DNAH7: variants seen among roughly 807,000 people sequenced by gnomAD.
DNAH7 encodes dynein axonemal heavy chain 7, also known as axonemal beta dynein heavy chain 7.
DNAH7 carries 397 observed loss-of-function variants against 444.6 expected under a neutral mutation model. The observed-to-expected ratio is 0.89, with a 90% confidence interval of 0.82 to 0.97. DNAH7 has a LOEUF of 0.97. Ranked by LOEUF, DNAH7 falls within the 50% of genes least tolerant of loss-of-function variation. The probability of loss-of-function intolerance (pLI) is 0.00; values close to 1 mark genes in which losing one functional copy is unlikely to be tolerated. For synonymous variants in DNAH7, 1,636 were observed against 1,624.4 expected (o/e 1.01, Z -0.17); for missense variants, 4,902 against 4,800.8 (o/e 1.02, Z -0.62).
intron 3 of DNAH7, 52 bp downstream of exon 3, chr2:196,051,135 A>C: frequency 1.3e-6 from 2 of 1,518,724 alleles, no homozygotes; most frequent in African/African-American, 2.7e-5. Context: ...GAAAACTAAT[A>C]AACATTTTTT....
At chr2:195,841,380 T>C (rs182085479) in intron 47 of DNAH7, among the ~76,000 whole-genome samples, 57 of 152,004 alleles carry the variant, frequency 3.7e-4, no homozygotes, top group African/African-American at 1.4e-3. Flanking sequence ...GACAACAGTC[T>C]TAATGTAACA....
At chr2:195,872,703 G>A (rs2125130845) in intron 39 of DNAH7, among the ~76,000 whole-genome samples, 1 of 152,138 alleles carries the variant, frequency 6.6e-6, no homozygotes, top group East Asian at 1.9e-4. Flanking sequence ...GAAATGAGCA[G>A]GGCCAGTTTA....
At chr2:195,848,709 T>C (rs1699170015) in intron 46 of DNAH7, among the ~76,000 whole-genome samples, 1 of 152,184 alleles carries the variant, frequency 6.6e-6, no homozygotes, top group Non-Finnish European at 1.5e-5. Context: ...GTAAATGGGA[T>C]GGAATTAGCT....
chr2:195,913,353 C>T (rs1439203113), intron 24 of DNAH7, among the ~76,000 whole-genome samples: 1 of 151,960 alleles, frequency 6.6e-6, no homozygotes, highest in Non-Finnish European at 1.5e-5. Flanking sequence ...GTAAGATAAC[C>T]TTTAAGAGAA....
chr2:195,981,719 C>T (rs1692586535), intron 15 of DNAH7, among the ~76,000 whole-genome samples: 1 of 152,160 alleles, frequency 6.6e-6, no homozygotes, highest in African/African-American at 2.4e-5. Context: ...GGGATAAGGA[C>T]AGTCTCTTCA....
At chr2:196,066,268 T>C (rs151111905) in intron 1 of DNAH7, among the ~76,000 whole-genome samples, 47 of 152,386 alleles carry the variant, frequency 3.1e-4, no homozygotes, top group African/African-American at 1.0e-3. Context: ...GATTTAAATA[T>C]AGTTGTCAGT....
intron 47 of DNAH7, 78 bp downstream of exon 47, chr2:195,844,924 C>T: frequency 7.5e-7 from 1 of 1,337,976 alleles, no homozygotes; most frequent in East Asian, 2.5e-5. Flanking sequence ...AAGTTTGCTA[C>T]CTAAAATTGT....
At chr2:195,860,988 G>T (rs1297180396) in intron 42 of DNAH7, among the ~76,000 whole-genome samples, 1 of 151,918 alleles carries the variant, frequency 6.6e-6, no homozygotes, top group Admixed American at 6.6e-5. Flanking sequence ...AATTATTTAA[G>T]TATCTAGTAA....
Position 196,019,293 on chromosome 2 carries a change from A to C in DNAH7, c.746T>G (p.Met249Arg), listed in dbSNP as rs1398984599. ...CCTCCAAGGTTTTGGCAGAATTTCCATTCTGAAAACAAAGAAAATATTTAG... is the reference window on the plus strand; with the variant it reads ...CCTCCAAGGTTTTGGCAGAATTTCCCTTCTGAAAACAAAGAAAATATTTAG... ...TDELPAHRAE[M>R]EILPKPWRKS... The change falls in exon 9 of 65, where the codon ATG becomes AGG. Residue 249 changes from methionine to arginine, a missense_variant and splice_region_variant. By Grantham distance (91) the Met-to-Arg change is moderately conservative (BLOSUM62 -1). Transcript: ENST00000312428. 20 of 1,474,974 alleles carry C rather than the reference A, an allele frequency of 1.4e-5. No homozygotes were observed. Among genetic ancestry groups the C allele is most frequent in the Non-Finnish European group, 1.6e-5 (18 of 1,096,636 alleles). 91.4% of individuals were successfully genotyped at this position (1,474,974 alleles called of 1,614,324 possible). A position where few individuals can be genotyped will look rare whatever the true frequency, so the allele number is the denominator to read the frequency against.
intron 33 of DNAH7, 27 bp from the exon 34 acceptor site, chr2:195,886,299 AAAC>A: frequency 1.9e-6 from 3 of 1,598,382 alleles, no homozygotes; most frequent in Non-Finnish European, 2.6e-6. Flanking sequence ...AAAAATGACT[AAAC>A]AATTTAAATT....
intron 17 of DNAH7, among the ~76,000 whole-genome samples, chr2:195,964,526 G>GT (rs34416268): frequency 0.012 from 1,470 of 119,006 alleles, 17 homozygotes; most frequent in East Asian, 0.019. Context: ...AGTTCTAATA[G>GT]TTTTTTTTTT....
Position 195,737,803 on chromosome 2 carries a change from A to G in DNAH7, c.*118T>C. The G allele has an allele frequency of 3.5e-6, 3 of 860,432 alleles. No homozygotes were observed. Among genetic ancestry groups the G allele is most frequent in the Non-Finnish European group, 3.5e-6 (2 of 568,130 alleles). The allele number at this position is 860,432 out of a possible 1,614,324, so 53.3% of individuals were successfully genotyped here. A position where few individuals can be genotyped will look rare whatever the true frequency, so the allele number is the denominator to read the frequency against. ...GCATTTGCTCATAAGTAAATTCATA[A>G]TTATAACTTTAGTCAAATGTATTTA... On this transcript the variant is annotated 3_prime_UTR_variant, in exon 65 of 65. Transcript: ENST00000312428.
chr2:195,864,906 T>C lies in DNAH7; in HGVS notation c.6749A>G (p.Gln2250Arg). 1.2e-6 allele frequency: 2 copies of C among 1,613,466 alleles called. No homozygotes were observed. The highest frequency in any genetic ancestry group is 1.7e-6 in the Non-Finnish European group (2 of 1,180,006). The change falls in exon 41 of 65, where the codon CAG (glutamine) becomes CGG (arginine). Residue 2250 changes from glutamine (Q) to arginine (R), a missense_variant. Gln to Arg is a conservative substitution (Grantham distance 43). Transcript: ENST00000312428. The stretch of plus-strand genomic sequence containing the variant: ...GCCATCATTATCAAAATCCAAACGC[T>C]GAAAAAGCTCATGAAAATCTTCATA... ...YMYEDFHELF[Q>R]RLDFDNDGMV...
chr2:195,998,404 T>C (rs1360916418), intron 12 of DNAH7, among the ~76,000 whole-genome samples: 1 of 151,830 alleles, frequency 6.6e-6, no homozygotes, highest in Admixed American at 6.6e-5. Context: ...TGAAACCCCA[T>C]CTCTACTAAA....
chr2:195,819,191 A>G (rs1697354047), intron 49 of DNAH7, among the ~76,000 whole-genome samples: 1 of 152,088 alleles, frequency 6.6e-6, no homozygotes, highest in South Asian at 2.1e-4. Context: ...TTTCCCATAC[A>G]ATGTGTTCTA....
At chr2:195,931,834 T>C (rs1160127389) in intron 21 of DNAH7, among the ~76,000 whole-genome samples, 2 of 152,204 alleles carry the variant, frequency 1.3e-5, no homozygotes, top group African/African-American at 4.8e-5. Context: ...AGCCTTGTAG[T>C]ATAGTTTGAA....
chr2:195,925,211 C>A (rs1245913648), intron 22 of DNAH7, among the ~76,000 whole-genome samples: 1 of 151,890 alleles, frequency 6.6e-6, no homozygotes, highest in Non-Finnish European at 1.5e-5. Context: ...ATTATTTACA[C>A]GGTTAATTTG....
intron 12 of DNAH7, among the ~76,000 whole-genome samples, chr2:195,991,343 T>C (rs1300114716): frequency 6.6e-6 from 1 of 150,426 alleles, no homozygotes; most frequent in Non-Finnish European, 1.5e-5. Flanking sequence ...TCCCTCCTTC[T>C]CATACAGATA....
At chr2:196,006,871 T>C (rs186121239) in intron 10 of DNAH7, among the ~76,000 whole-genome samples, 4 of 152,108 alleles carry the variant, frequency 2.6e-5, no homozygotes, top group Non-Finnish European at 5.9e-5. Context: ...ATTTAATACA[T>C]ATAAAATTAC....
Sources: gnomAD v4.1 joint callset for allele counts (sites outside exome capture counted in the v4.1 genomes callset) on GRCh38, gnomAD v4.1.1 for gene constraint, MANE v1.5 for transcripts, NCBI Gene and HGNC (gene_info 2026-07-23, HGNC 2026-07-21) for gene names.